Variants in PCDHA8 observed in about 807,000 individuals in gnomAD.
PCDHA8 encodes the protein protocadherin alpha 8, also known as protocadherin alpha-8.
Under a neutral mutation model 61.8 loss-of-function variants are expected in PCDHA8, and 53 were observed. The ratio of observed to expected loss-of-function variants is 0.86; its 90% confidence interval spans 0.69 to 1.08. PCDHA8 has a LOEUF of 1.08. Among genes scored for constraint, PCDHA8 ranks in the 50% least tolerant of loss-of-function variants. PCDHA8 has a pLI of 0.00. For missense variants in PCDHA8, 1,293 were observed against 1,245.0 expected (o/e 1.04, Z -0.58); for synonymous variants, 618 against 556.6 (o/e 1.11, Z -1.55).
intron 1 of PCDHA8, chr5:140,864,380 A>C (rs1581715525): frequency 6.6e-6 from 1 of 152,354 alleles, no homozygotes; most frequent in East Asian, 1.9e-4. Flanking sequence ...CGATAAGTTT[A>C]TCTCTCACAA....
At chr5:140,849,773 C>G in intron 1 of PCDHA8, 1 of 1,598,418 alleles carries the variant, frequency 6.3e-7, no homozygotes, top group Non-Finnish European at 8.6e-7. Context: ...TGGTGGTTAC[C>G]GCGCGGGACG....
rs2150394601 is a variant in PCDHA8 at position 140,846,768 on chromosome 5, A to T, written c.2394+3053A>T. On this transcript the variant is annotated intron_variant, in intron 1 of 3. Coordinates refer to ENST00000531613, the MANE Select transcript of PCDHA8 (RefSeq NM_018911.3). ...TACAGATCTCTAACAGCATATCATC[A>T]TGTCAGGAATTATTACTGAGCCCCA... Among the ~76,000 whole-genome samples, 10 of 149,454 alleles carry T rather than the reference A, an allele frequency of 6.7e-5. 1 individual carries two copies. The highest frequency in any genetic ancestry group is 2.2e-4 in the African/African-American group (9 of 40,730).
chr5:140,843,593 G>C lies in PCDHA8; in HGVS notation c.2272G>C (p.Val758Leu). 6.3e-7 allele frequency: 1 copy of C among 1,596,072 alleles called. No individual in the cohort carries two copies. The highest frequency in any genetic ancestry group is 8.6e-7 in the Non-Finnish European group (1 of 1,165,522). Residue 758 changes from valine (V) to leucine (L), a missense_variant, in exon 1 of 4, where the codon GTG (valine) becomes CTG (leucine). By Grantham distance (32) the Val-to-Leu change is conservative. Coordinates refer to ENST00000531613, the MANE Select transcript of PCDHA8 (RefSeq NM_018911.3). ...WSYSQQQPQR[V>L]CSGEGPPKTD... ...ATACTCGCAACAACAGCCGCAGAGGGTGTGCTCTGGTGAGGGGCCACCGAA... is the reference window on the plus strand; with the variant it reads ...ATACTCGCAACAACAGCCGCAGAGGCTGTGCTCTGGTGAGGGGCCACCGAA...
intron 3 of PCDHA8, among the ~76,000 whole-genome samples, chr5:140,997,397 A>G (rs782082443): frequency 4.6e-5 from 7 of 152,194 alleles, no homozygotes; most frequent in African/African-American, 7.2e-5. Flanking sequence ...CTTAGGCTCT[A>G]TCGTATGGCC....
chr5:140,954,536 T>C (rs1438016822), intron 1 of PCDHA8, among the ~76,000 whole-genome samples: 3 of 152,248 alleles, frequency 2.0e-5, no homozygotes, highest in African/African-American at 7.2e-5. Flanking sequence ...GTTGAGGTTT[T>C]TTTCATATGT....
Position 140,850,144 on chromosome 5 carries a change from C to G in PCDHA8, c.2394+6429C>G. On this transcript the variant is annotated intron_variant, in intron 1 of 3. Transcript: ENST00000531613. ...GTGCCGCCTCTGGGCAGCAACGTGA[C>G]GCTGCAGGTGTTCGTGCTGGACGAG... The G allele has an allele frequency of 1.9e-6, 3 of 1,595,628 alleles. 1 individual carries two copies. In the African/African-American group the frequency reaches 4.0e-5, roughly 21 times the overall value.
chr5:140,849,081 T>G (rs2040772386), intron 1 of PCDHA8: 2 of 1,516,686 alleles, frequency 1.3e-6, no homozygotes. Context: ...TGGACTTGTA[T>G]TACGGAAACT....
At chr5:140,970,597 TA>T (rs2096419556) in intron 1 of PCDHA8, among the ~76,000 whole-genome samples, 4 of 152,198 alleles carry the variant, frequency 2.6e-5, no homozygotes, top group Non-Finnish European at 5.9e-5. Context: ...TGCTTTGTGA[TA>T]CTTAAAACTT....
rs934481202 is a variant in PCDHA8, at chr5:140,902,279, C to A, written c.2394+58564C>A. On this transcript the variant is annotated intron_variant, in intron 1 of 3. Coordinates refer to ENST00000531613, the MANE Select transcript of PCDHA8 (RefSeq NM_018911.3). ...TCTCGAACTCCTGGGCTCAAGCAATCCTCCTGCCTCAGCCTCCCAAAGTGC... is the reference window on the plus strand; with the variant it reads ...TCTCGAACTCCTGGGCTCAAGCAATACTCCTGCCTCAGCCTCCCAAAGTGC... Among the ~76,000 whole-genome samples the A allele has an allele frequency of 2.7e-5, 4 of 148,452 alleles. No individual in the cohort carries two copies. The Admixed American group carries it at 2.7e-4, about 10-fold the overall frequency.
chr5:140,884,512 G>T (rs782026771), intron 1 of PCDHA8: 1 of 1,614,202 alleles, frequency 6.2e-7, no homozygotes, highest in South Asian at 1.1e-5. Flanking sequence ...CAGGGAGTTG[G>T]TCGTACTCGC....
In PCDHA8 at chr5:140,841,990, A is replaced by C. The variant is rs1422352219; in HGVS notation, c.669A>C (p.Thr223=). 6.2e-7 allele frequency: 1 copy of C among 1,613,690 alleles called. No individual in the cohort carries two copies. The highest frequency in any genetic ancestry group is 1.3e-5 in the African/African-American group (1 of 74,880). Residue 223 remains threonine (T), a synonymous_variant, in exon 1 of 4, where the codon ACA becomes ACC. Coordinates refer to ENST00000531613, the MANE Select transcript of PCDHA8 (RefSeq NM_018911.3). ...TATDGGKPEL[T]GTVQLLVTVL... ...CAGATGGGGGCAAACCTGAGCTCAC[A>C]GGCACTGTTCAGCTGCTGGTCACAG...
intron 1 of PCDHA8, among the ~76,000 whole-genome samples, chr5:140,915,719 T>A (rs545655335): frequency 6.6e-6 from 1 of 151,956 alleles, no homozygotes; most frequent in African/African-American, 2.4e-5. Flanking sequence ...GCCCCCACTT[T>A]GGATTGTGCT....
intron 1 of PCDHA8, among the ~76,000 whole-genome samples, chr5:140,955,134 C>T (rs868995724): frequency 3.3e-5 from 5 of 152,022 alleles, no homozygotes; most frequent in African/African-American, 1.2e-4. Context: ...CTGGTCTACA[C>T]GTCTGTTTTT....
chr5:140,907,697 C>T (rs1425951971), intron 1 of PCDHA8, among the ~76,000 whole-genome samples: 2 of 152,202 alleles, frequency 1.3e-5, no homozygotes, highest in African/African-American at 2.4e-5. Context: ...GTGGAAGTCC[C>T]TGTTGCTGAG....
intron 1 of PCDHA8, chr5:140,857,926 C>T (rs1351185942): frequency 1.3e-6 from 2 of 1,597,606 alleles, no homozygotes; most frequent in Non-Finnish European, 1.7e-6. Flanking sequence ...TGGGGCTGTA[C>T]ACGGGCGAGA....
intron 1 of PCDHA8, chr5:140,926,825 G>GT (rs1175916332): frequency 1.3e-6 from 2 of 1,499,578 alleles, no homozygotes; most frequent in Non-Finnish European, 1.8e-6. Flanking sequence ...CTCTCCAGGA[G>GT]TCCGGAGCAT....
Position 140,842,523 on chromosome 5 carries a change from T to C in PCDHA8, c.1202T>C (p.Phe401Ser), listed in dbSNP as rs2150338056. ...GTCCCCTTCAAGCTGGTGTCCACCTTCAAGAATTACTACTCGTTGGTGCTG... is the reference window on the plus strand; with the variant it reads ...GTCCCCTTCAAGCTGGTGTCCACCTCCAAGAATTACTACTCGTTGGTGCTG... ...PHVPFKLVSTFKNYYSLVLDS... is the reference protein window; with the variant it reads ...PHVPFKLVSTSKNYYSLVLDS... The change falls in exon 1 of 4, where the codon TTC (phenylalanine) becomes TCC (serine). Residue 401 changes from phenylalanine to serine, a missense_variant. Phe to Ser is a radical substitution (Grantham distance 155). Transcript: ENST00000531613. 1 of 1,613,420 alleles carries C rather than the reference T, an allele frequency of 6.2e-7. No homozygotes were observed. The highest frequency in any genetic ancestry group is 1.1e-5 in the South Asian group (1 of 91,074).
chr5:140,897,726 A>T (rs149995278), intron 1 of PCDHA8, among the ~76,000 whole-genome samples: 22,632 of 152,088 alleles, frequency 0.15, 1,739 homozygotes, highest in Middle Eastern at 0.2. Flanking sequence ...GCTGGGTCAA[A>T]TAGTATTTCT....
At position 140,993,460 on chromosome 5, in the gene PCDHA8, T is replaced by TCACACA. The variant is rs1554253699; in HGVS notation, c.2542+10898_2542+10899insACACAC. ...TTCATTCCTGTTCTCCTTCTTTCTT[T>TCACACA]CTCACACACACACACACACACACAC... On this transcript the variant is annotated intron_variant, in intron 3 of 3. Transcript: ENST00000531613. Among the ~76,000 whole-genome samples, 49 of 104,564 alleles carry TCACACA rather than the reference T, an allele frequency of 4.7e-4. 1 individual carries two copies. Among genetic ancestry groups the TCACACA allele is most frequent in the Admixed American group, 1.8e-3 (15 of 8,460 alleles). 68.6% of individuals were successfully genotyped at this position (104,564 alleles called of 152,430 possible).
Sources: gnomAD v4.1 joint callset for allele counts (sites outside exome capture counted in the v4.1 genomes callset) on GRCh38, gnomAD v4.1.1 for gene constraint, MANE v1.5 for transcripts, NCBI Gene and HGNC (gene_info 2026-07-23, HGNC 2026-07-21) for gene names.